OCLN: variants seen among roughly 807,000 people sequenced by gnomAD.
The protein encoded by OCLN is phosphatase 1, regulatory subunit 115.
In OCLN, 21 loss-of-function variants were observed where a neutral mutation model predicts 47.9. The observed-to-expected ratio is 0.44, with a 90% CI of 0.31 to 0.63. The LOEUF (loss-of-function observed/expected upper bound fraction) is 0.63, where lower values mean the gene tolerates loss of function less well. Among genes scored for constraint, OCLN ranks in the 30% least tolerant of loss-of-function variants. The pLI is 0.08. For synonymous variants in OCLN, 117 were observed against 198.4 expected (o/e 0.59, Z 3.45); for missense variants, 360 against 571.0 (o/e 0.63, Z 3.77).
At chr5:69,506,169 G>A (rs78422169) in intron 2 of OCLN, among the ~76,000 whole-genome samples, 130 of 152,326 alleles carry the variant, frequency 8.5e-4, no homozygotes, top group Middle Eastern at 3.4e-3. Flanking sequence ...CAAAAGCCAG[G>A]TGTGGTGGTG....
chr5:69,502,345 G>A (rs1373623212), intron 1 of OCLN: 1 of 152,132 alleles, frequency 6.6e-6, no homozygotes, highest in African/African-American at 2.4e-5. Flanking sequence ...CATTATAGAT[G>A]TTACTCAAGT....
Position 69,493,933 on chromosome 5 carries a change from G to A in OCLN, c.-69+1033G>A, listed in dbSNP as rs1404835006. ...GAAAAGCCGCGGCATCCTTAGGCCG[G>A]ACCCGGGGCTCGCTGGCCACACTGC... On this transcript the variant is annotated intron_variant, in intron 1 of 8. Coordinates refer to ENST00000396442, the MANE Select transcript of OCLN (RefSeq NM_001205254.2). The surrounding 1 kb of genome is among the most constrained non-coding windows in gnomAD (Gnocchi z 5.3). 6.6e-6 allele frequency among the ~76,000 whole-genome samples: 1 copy of A among 152,214 alleles called. No homozygotes were observed. Among genetic ancestry groups the A allele is most frequent in the Non-Finnish European group, 1.5e-5 (1 of 68,030 alleles).
At chr5:69,528,684 C>T (rs1769348315) in intron 4 of OCLN, among the ~76,000 whole-genome samples, 1 of 152,182 alleles carries the variant, frequency 6.6e-6, no homozygotes, top group Non-Finnish European at 1.5e-5. Context: ...TTCTCTGTGA[C>T]TTTGAGCAAG....
intron 4 of OCLN, among the ~76,000 whole-genome samples, chr5:69,515,353 G>A (rs1580562296): frequency 3.5e-5 from 5 of 144,448 alleles, no homozygotes; most frequent in South Asian, 4.4e-4. Context: ...CAGTAGGGGC[G>A]GCCGGGCAGA....
At chr5:69,510,612 AG>A (rs886068311) in intron 3 of OCLN, among the ~76,000 whole-genome samples, 5 of 152,132 alleles carry the variant, frequency 3.3e-5, no homozygotes, top group African/African-American at 1.2e-4. Flanking sequence ...TGAACCCGGG[AG>A]GCGGAGCTTG....
intron 4 of OCLN, among the ~76,000 whole-genome samples, chr5:69,526,888 G>A (rs548049240): frequency 2.6e-5 from 4 of 152,308 alleles, no homozygotes; most frequent in South Asian, 2.1e-4. Context: ...TGATGCATGC[G>A]TAATGAACAA....
intron 7 of OCLN, among the ~76,000 whole-genome samples, chr5:69,548,561 C>T (rs1417012506): frequency 6.8e-6 from 1 of 147,190 alleles, no homozygotes; most frequent in African/African-American, 2.5e-5. Context: ...ACCTCGTGAT[C>T]TGCCCGTCTT....
rs149758143 is a variant in OCLN, at chr5:69,492,819, C to A, written c.-150C>A. 1.3e-5 allele frequency: 2 copies of A among 152,564 alleles called. No individual in the cohort carries two copies. The highest frequency in any genetic ancestry group is 2.9e-5 in the Non-Finnish European group (2 of 68,386). 9.5% of individuals were successfully genotyped at this position (152,564 alleles called of 1,614,324 possible). ...CCCGGCTGAGCGCTGGCGGTCGGTGCGGCGTCAGGTGCGCCCGCCAGGTGA... is the reference window on the plus strand; with the variant it reads ...CCCGGCTGAGCGCTGGCGGTCGGTGAGGCGTCAGGTGCGCCCGCCAGGTGA... On this transcript the variant is annotated 5_prime_UTR_variant, in exon 1 of 9. Transcript: ENST00000396442.
chr5:69,498,623 C>T (rs1768369553), intron 1 of OCLN, among the ~76,000 whole-genome samples: 1 of 152,102 alleles, frequency 6.6e-6, no homozygotes, highest in Non-Finnish European at 1.5e-5. Context: ...ATGCTGAAGT[C>T]CTTGTTATAA....
At chr5:69,515,567 C>T (rs1371214605) in intron 4 of OCLN, among the ~76,000 whole-genome samples, 3 of 137,166 alleles carry the variant, frequency 2.2e-5, no homozygotes, top group Admixed American at 7.1e-5. Flanking sequence ...CCGGACGGGG[C>T]GGCTGGCCGG....
intron 2 of OCLN, among the ~76,000 whole-genome samples, chr5:69,507,009 A>G (rs1252369946): frequency 6.6e-6 from 1 of 152,200 alleles, no homozygotes; most frequent in Non-Finnish European, 1.5e-5. Flanking sequence ...GAAACAGAAC[A>G]CTTCAAAGTC....
At chr5:69,505,342 G>GT (rs1299432040) in intron 2 of OCLN, among the ~76,000 whole-genome samples, 2 of 152,088 alleles carry the variant, frequency 1.3e-5, no homozygotes, top group East Asian at 1.9e-4. Flanking sequence ...TAGTTTAATG[G>GT]TTTTTAGTAT....
chr5:69,552,337 AT>A (rs1166737188), intron 8 of OCLN, among the ~76,000 whole-genome samples: 21 of 10,432 alleles, frequency 2.0e-3, no homozygotes, highest in South Asian at 6.8e-3. Context: ...TGGTTCATTA[AT>A]TTTTTTTTTT....
chr5:69,494,929 G>A (rs939004251), intron 1 of OCLN, among the ~76,000 whole-genome samples: 4 of 152,170 alleles, frequency 2.6e-5, no homozygotes, highest in Admixed American at 2.0e-4. Context: ...TCCAGAACCA[G>A]ATTTGGGGAA....
In OCLN at chr5:69,534,733, C is replaced by G; in HGVS notation, c.931C>G (p.Pro311Ala). 1 of 1,024,904 alleles carries G rather than the reference C, an allele frequency of 9.8e-7. No individual in the cohort carries two copies. Among genetic ancestry groups the G allele is most frequent in the Non-Finnish European group, 1.5e-6 (1 of 686,920 alleles). The allele number at this position is 1,024,904 out of a possible 1,614,324, so 63.5% of individuals were successfully genotyped here. A position where few individuals can be genotyped will look rare whatever the true frequency, so the allele number is the denominator to read the frequency against. ...VSAGTQDVPS[P>A]PSDYVERVDS... ...TGCAGGCACACAGGACGTGCCTTCA[C>G]CCCCATCTGACTATGTGGAAAGAGT... The change falls in exon 5 of 9, where the codon CCC (proline) becomes GCC (alanine). Residue 311 changes from proline (P) to alanine (A), a missense_variant. Physicochemically the swap from Pro to Ala is conservative, Grantham distance 27 (BLOSUM62 -1). This residue lies in a region of OCLN where 21 missense variants were observed against 158.9 expected (regional missense o/e 0.13). Transcript: ENST00000396442.
At chr5:69,532,989 G>A (rs1769476001) in intron 4 of OCLN, among the ~76,000 whole-genome samples, 1 of 77,476 alleles carries the variant, frequency 1.3e-5, no homozygotes, top group Non-Finnish European at 2.6e-5. Context: ...ATATATATAT[G>A]TATGCATGTA....
intron 4 of OCLN, among the ~76,000 whole-genome samples, chr5:69,517,711 G>A (rs575137678): frequency 2.0e-5 from 3 of 152,220 alleles, no homozygotes; most frequent in African/African-American, 7.2e-5. Flanking sequence ...AGCAGTCTTA[G>A]GAAAGCCAGG....
chr5:69,495,725 A>G (rs1479379062), intron 1 of OCLN, among the ~76,000 whole-genome samples: 1 of 151,892 alleles, frequency 6.6e-6, no homozygotes, highest in Non-Finnish European at 1.5e-5. Flanking sequence ...TGATACCTAT[A>G]TTTTAGGTAT....
chr5:69,516,811 C>A (rs1471684065), intron 4 of OCLN, among the ~76,000 whole-genome samples: 1 of 152,042 alleles, frequency 6.6e-6, no homozygotes. Flanking sequence ...AATCCCAGCA[C>A]TTAGGGAGGC....
Sources: gnomAD v4.1 joint callset for allele counts (sites outside exome capture counted in the v4.1 genomes callset) on GRCh38, gnomAD v4.1.1 for gene constraint, gnomAD v4.1.1 regional missense constraint, Gnocchi (gnomAD v3.1) non-coding constraint, MANE v1.5 for transcripts, NCBI Gene and HGNC (gene_info 2026-07-23, HGNC 2026-07-21) for gene names.